Variants in TUBB observed in about 807,000 individuals in gnomAD.
TUBB encodes the protein tubulin beta class I.
A neutral mutation model predicts 35.1 loss-of-function variants in TUBB; 2 were observed. The ratio of observed to expected loss-of-function variants is 0.06; its 90% CI spans 0.02 to 0.18. The LOEUF (loss-of-function observed/expected upper bound fraction) is 0.18. Among genes scored for constraint, TUBB ranks in the 10% least tolerant of loss-of-function variants. The probability of loss-of-function intolerance (pLI) is 1.00; values close to 1 mark genes in which losing one functional copy is unlikely to be tolerated. For missense variants in TUBB, 50 were observed against 599.4 expected (o/e 0.08, Z 9.57); for synonymous variants, 205 against 223.8 (o/e 0.92, Z 0.75).
Position 30,723,605 on chromosome 6 carries a change from G to A in TUBB, c.543G>A (p.Glu181=). ...CCAAAGTGTCTGACACCGTGGTCGA[G>A]CCCTACAATGCCACCCTCTCCGTCC... The part of the protein sequence containing the change: ...PSPKVSDTVV[E]PYNATLSVHQ... Residue 181 remains glutamate (E), a synonymous_variant, in exon 4 of 4, where the codon GAG becomes GAA. Coordinates refer to ENST00000327892, the MANE Select transcript of TUBB (RefSeq NM_178014.4). 6.2e-7 allele frequency: 1 copy of A among 1,614,224 alleles called. No homozygotes were observed.
intron 2 of TUBB, 106 bp downstream of exon 2, chr6:30,722,751 CA>C: frequency 8.5e-7 from 1 of 1,178,296 alleles, no homozygotes; most frequent in Non-Finnish European, 1.2e-6. Flanking sequence ...GTGAATCTGT[CA>C]TTTTGTCCCT....
Position 30,720,447 on chromosome 6 carries a change from A to G in TUBB, c.-60A>G, listed in dbSNP as rs974636660. On this transcript the variant is annotated 5_prime_UTR_variant, in exon 1 of 4. Coordinates refer to ENST00000327892, the MANE Select transcript of TUBB (RefSeq NM_178014.4). Reference sequence around the variant, plus strand: ...AGCCTGCGACCTGCGGAGAAAAAAAATTACTTATTTTCTTGCCCCATACAT... The same window carrying G: ...AGCCTGCGACCTGCGGAGAAAAAAAGTTACTTATTTTCTTGCCCCATACAT... 4 of 1,569,828 alleles carry G rather than the reference A, an allele frequency of 2.5e-6. No individual in the cohort carries two copies. Among genetic ancestry groups the G allele is most frequent in the Middle Eastern group, 1.7e-4 (1 of 5,982 alleles).
rs374611443 is a variant in TUBB at position 30,722,157 on chromosome 6, T to C, written c.58-380T>C. ...AACAGGAAGACCCTGTCTTAAAAAT[T>C]AGAAGAAGCTGGGCGCGGTGGCTCA... On this transcript the variant is annotated intron_variant, in intron 1 of 3. Transcript: ENST00000327892. 41 of 235,778 alleles carry C rather than the reference T, an allele frequency of 1.7e-4. 3 individuals carry two copies. The highest frequency in any genetic ancestry group is 7.1e-4 in the East Asian group (6 of 8,508). The allele number at this position is 235,778 out of a possible 1,614,324, so 14.6% of individuals were successfully genotyped here. A position where few individuals can be genotyped will look rare whatever the true frequency, so the allele number is the denominator to read the frequency against.
In TUBB at chr6:30,722,490, T is replaced by C. The variant is rs772322512; in HGVS notation, c.58-47T>C. The C allele has an allele frequency of 6.9e-6, 9 of 1,297,990 alleles. No homozygotes were observed. The African/African-American group carries it at 1.2e-4, about 17-fold the overall frequency. 80.4% of individuals were successfully genotyped at this position (1,297,990 alleles called of 1,614,324 possible). A position where few individuals can be genotyped will look rare whatever the true frequency, so the allele number is the denominator to read the frequency against. The stretch of plus-strand genomic sequence containing the variant: ...AATAAAATGGTAGTTGGGGACATAG[T>C]TGGCTGGGACTTGACCTGTTGTGGT... On this transcript the variant is annotated intron_variant, in intron 1 of 3. Transcript: ENST00000327892.
Position 30,724,667 on chromosome 6 carries a change from C to A in TUBB, c.*270C>A, listed in dbSNP as rs769072576. 2.1e-6 allele frequency: 1 copy of A among 475,262 alleles called. No individual in the cohort carries two copies. Among genetic ancestry groups the A allele is most frequent in the Non-Finnish European group, 3.7e-6 (1 of 271,624 alleles). 29.4% of individuals were successfully genotyped at this position (475,262 alleles called of 1,614,324 possible). A position where few individuals can be genotyped will look rare whatever the true frequency, so the allele number is the denominator to read the frequency against. On this transcript the variant is annotated 3_prime_UTR_variant, in exon 4 of 4. Coordinates refer to ENST00000327892, the MANE Select transcript of TUBB (RefSeq NM_178014.4). The surrounding 1 kb of genome is among the most constrained non-coding windows in gnomAD (Gnocchi z 4.4). ...TCTTTCTGGTGCCCATTCCATTTGTCCAGTTAATACTTCCTCTTAAAAATC... is the reference window on the plus strand; with the variant it reads ...TCTTTCTGGTGCCCATTCCATTTGTACAGTTAATACTTCCTCTTAAAAATC...
intron 1 of TUBB, among the ~76,000 whole-genome samples, chr6:30,720,779 A>G (rs1466267848): frequency 6.6e-6 from 1 of 152,350 alleles, no homozygotes; most frequent in Non-Finnish European, 1.5e-5. Flanking sequence ...GAAACTAGTA[A>G]AAGGGCTCTT....
chr6:30,723,104 G>A lies in TUBB; in HGVS notation c.277+76G>A, dbSNP rs1411053573. ...ATTTGGGTGCAAGGACACAGCAAAA[G>A]TTAGGAGATGATTGTTGTATTGGAG... is the stretch of plus-strand genomic sequence containing the variant. On this transcript the variant is annotated intron_variant, in intron 3 of 3. Coordinates refer to ENST00000327892, the MANE Select transcript of TUBB (RefSeq NM_178014.4). The A allele has an allele frequency of 2.4e-6, 3 of 1,239,810 alleles. No individual in the cohort carries two copies. The African/African-American group carries it at 4.5e-5, about 19-fold the overall frequency. The allele number at this position is 1,239,810 out of a possible 1,614,324, so 76.8% of individuals were successfully genotyped here.
At chr6:30,723,245 T>TA in intron 3 of TUBB, 95 bp from the exon 4 acceptor site, 1 of 1,110,026 alleles carries the variant, frequency 9.0e-7, no homozygotes, top group Admixed American at 2.7e-5. Context: ...AGAAAGAAGA[T>TA]ACATCCGAGG....
At chr6:30,723,210 G>T in intron 3 of TUBB, 130 bp from the exon 4 acceptor site, 1 of 955,022 alleles carries the variant, frequency 1.0e-6, no homozygotes, top group South Asian at 1.7e-5. Context: ...TGGGGCAGTA[G>T]GGGGAGAATA....
At chr6:30,721,927 G>C in intron 1 of TUBB, 1 of 981,558 alleles carries the variant, frequency 1.0e-6, no homozygotes, top group Non-Finnish European at 1.2e-6. Flanking sequence ...CTCCAGGTCA[G>C]GGGTTCGAGA....
At position 30,723,353 on chromosome 6, in the gene TUBB, A is replaced by T. The variant is rs768763430; in HGVS notation, c.291A>T (p.Ala97=). The change falls in exon 4 of 4, where the codon GCA becomes GCT. Residue 97 remains alanine (A), a synonymous_variant. Transcript: ENST00000327892. ...PDNFVFGQSG[A]GNNWAKGHYT... The stretch of plus-strand genomic sequence containing the variant: ...ACTGCATTCCAGGTCAGTCTGGGGC[A>T]GGTAACAACTGGGCCAAAGGCCACT... 1.2e-6 allele frequency: 2 copies of T among 1,607,368 alleles called. No homozygotes were observed. Among genetic ancestry groups the T allele is most frequent in the South Asian group, 2.2e-5 (2 of 90,288 alleles).
rs766794217 is a variant in TUBB, at chr6:30,725,183, CTG to C, written c.*787_*788del. On this transcript the variant is annotated 3_prime_UTR_variant, in exon 4 of 4. Transcript: ENST00000327892. ...CAAAAAAGAATGAACACCCCTGACT[CTG>C]GAGTGGTGTATACTGCCACATCAGT... 191 of 159,164 alleles carry C rather than the reference CTG, an allele frequency of 1.2e-3. 3 individuals are homozygous for C. The highest frequency in any genetic ancestry group is 3.4e-3 in the Middle Eastern group (1 of 296). 9.9% of individuals were successfully genotyped at this position (159,164 alleles called of 1,614,324 possible). A position where few individuals can be genotyped will look rare whatever the true frequency, so the allele number is the denominator to read the frequency against.
chr6:30,722,432 A>ACTC (rs1368138400), intron 1 of TUBB, 105 bp from the exon 2 acceptor site: 8 of 790,896 alleles, frequency 1.0e-5, no homozygotes, highest in Non-Finnish European at 1.7e-5. Context: ...ACAGAGCGAG[A>ACTC]CTCCGTCTCA....
In TUBB at chr6:30,724,350, G is replaced by A. The variant is rs772090260; in HGVS notation, c.1288G>A (p.Ala430Thr). 9 of 1,612,708 alleles carry A rather than the reference G, an allele frequency of 5.6e-6. No individual in the cohort carries two copies. Among genetic ancestry groups the A allele is most frequent in the Non-Finnish European group, 7.6e-6 (9 of 1,179,846 alleles). ...GTATCAGCAGTACCAGGATGCCACC[G>A]CAGAAGAGGAGGAGGATTTCGGTGA... The part of the protein sequence containing the change: ...SEYQQYQDAT[A>T]EEEEDFGEEA... The change falls in exon 4 of 4, where the codon GCA (alanine) becomes ACA (threonine). Residue 430 changes from alanine (A) to threonine (T), a missense_variant. Transcript: ENST00000327892. This position sits in a 1 kb window ranked among gnomAD's most constrained non-coding sequence, Gnocchi z 4.4.
chr6:30,721,478 G>T (rs1394986810), intron 1 of TUBB: 1 of 903,868 alleles, frequency 1.1e-6, no homozygotes, highest in African/African-American at 1.8e-5. Context: ...TTGCCCGCCG[G>T]CAGGGGCGCG....
At position 30,724,589 on chromosome 6, in the gene TUBB, CTCTT is replaced by C. The variant is rs931611897; in HGVS notation, c.*195_*198del. On this transcript the variant is annotated 3_prime_UTR_variant, in exon 4 of 4. Coordinates refer to ENST00000327892, the MANE Select transcript of TUBB (RefSeq NM_178014.4). This position sits in a 1 kb window ranked among gnomAD's most constrained non-coding sequence, Gnocchi z 4.4. Reference sequence around the variant, plus strand: ...TACTTGTTTGTTGAATGTCTCCTCTCTCTTTCCACTCTGGGAAACCTAGGTTTCT... The same window carrying C: ...TACTTGTTTGTTGAATGTCTCCTCTCTCCACTCTGGGAAACCTAGGTTTCT... 2.4e-4 allele frequency: 136 copies of C among 563,860 alleles called. 2 individuals carry two copies. The highest frequency in any genetic ancestry group is 1.6e-3 in the Admixed American group (49 of 30,104). The allele number at this position is 563,860 out of a possible 1,614,324, so 34.9% of individuals were successfully genotyped here.
At chr6:30,721,929 G>C in intron 1 of TUBB, 1 of 977,984 alleles carries the variant, frequency 1.0e-6, no homozygotes, top group Non-Finnish European at 1.2e-6. Context: ...CCAGGTCAGG[G>C]GTTCGAGACC....
chr6:30,722,798 G>T, intron 2 of TUBB, 120 bp from the exon 3 acceptor site: 1 of 1,128,698 alleles, frequency 8.9e-7, no homozygotes. Context: ...GACGTCTGCT[G>T]CCACCTGGTG....
chr6:30,722,837 C>G (rs552254580), intron 2 of TUBB, 81 bp from the exon 3 acceptor site: 2 of 1,291,746 alleles, frequency 1.5e-6, no homozygotes, highest in Non-Finnish European at 2.2e-6. Flanking sequence ...AGTCTCTGAT[C>G]CCTGCTGTCT....
Sources: gnomAD v4.1 joint callset for allele counts (sites outside exome capture counted in the v4.1 genomes callset) on GRCh38, gnomAD v4.1.1 for gene constraint, Gnocchi (gnomAD v3.1) non-coding constraint, MANE v1.5 for transcripts, NCBI Gene and HGNC (gene_info 2026-07-23, HGNC 2026-07-21) for gene names.